Variants in GK5 observed in about 807,000 individuals in gnomAD.
GK5 encodes glycerol kinase 5, also known as ATP:glycerol 3-phosphotransferase 5.
GK5 carries 39 observed loss-of-function variants against 77.3 expected under a neutral mutation model. The observed-to-expected ratio is 0.50, with a 90% CI of 0.39 to 0.66. The LOEUF (loss-of-function observed/expected upper bound fraction) is 0.66, where lower values mean the gene tolerates loss of function less well. Ranked by LOEUF, GK5 falls within the 30% of genes least tolerant of loss-of-function variation. The pLI is 0.00. For synonymous variants in GK5, 211 were observed against 208.0 expected (o/e 1.01, Z -0.13); for missense variants, 487 against 633.8 (o/e 0.77, Z 2.49).
chr3:142,165,699 A>G lies in GK5; in HGVS notation c.1513T>C (p.Cys505Arg), dbSNP rs1300002439. The G allele has an allele frequency of 6.2e-7, 1 of 1,613,166 alleles. No individual in the cohort carries two copies. The highest frequency in any genetic ancestry group is 1.7e-5 in the Admixed American group (1 of 59,944). The change falls in exon 16 of 16, where the codon TGT becomes CGT. Residue 505 changes from cysteine (C) to arginine (R), a missense_variant. Transcript: ENST00000392993. ...SEVVFKPQKK[C>R]QEYEMSLENW... ...TCCAGACTCATTTCATATTCTTGAC[A>G]TTTCTTCTGTGGCTTGAAAACCACT...
chr3:142,165,856 AG>A (rs1221271409), intron 15 of GK5, 86 bp from the exon 16 acceptor site: 2 of 815,732 alleles, frequency 2.5e-6, no homozygotes, highest in East Asian at 5.7e-5. Context: ...AGTTGCTGGT[AG>A]AAAGGTAAAC....
intron 4 of GK5, among the ~76,000 whole-genome samples, chr3:142,202,064 A>G (rs2064034132): frequency 6.6e-6 from 1 of 152,140 alleles, no homozygotes; most frequent in Non-Finnish European, 1.5e-5. Context: ...CAATGGCCTT[A>G]AGGTAAGAAA....
intron 5 of GK5, among the ~76,000 whole-genome samples, chr3:142,189,627 G>A (rs529370895): frequency 6.6e-6 from 1 of 152,252 alleles, no homozygotes; most frequent in Admixed American, 6.5e-5. Flanking sequence ...GCCCTTAGGA[G>A]GCTAGGGTGA....
intron 3 of GK5, among the ~76,000 whole-genome samples, chr3:142,209,233 A>G (rs899829407): frequency 1.1e-4 from 16 of 152,198 alleles, no homozygotes; most frequent in Non-Finnish European, 1.9e-4. Flanking sequence ...GGCTTCAGAA[A>G]TGGCAATGGA....
intron 5 of GK5, among the ~76,000 whole-genome samples, chr3:142,195,834 G>A (rs1025881855): frequency 6.6e-6 from 1 of 152,138 alleles, no homozygotes; most frequent in Non-Finnish European, 1.5e-5. Flanking sequence ...GGGTATTAAA[G>A]TCTCCAACTA....
chr3:142,159,508 C>G lies in GK5; in HGVS notation c.*6114G>C, dbSNP rs1307866560. On this transcript the variant is annotated 3_prime_UTR_variant, in exon 16 of 16. Coordinates refer to ENST00000392993, the MANE Select transcript of GK5 (RefSeq NM_001039547.3). ...CAAGCACCTGTTTCTGTCCTTCCCA[C>G]TCCAAGATCATTCCTGCATTCCTCT... 2.6e-5 allele frequency: 4 copies of G among 152,074 alleles called. No individual in the cohort carries two copies. The highest frequency in any genetic ancestry group is 5.9e-5 in the Non-Finnish European group (4 of 68,024). 9.4% of individuals were successfully genotyped at this position (152,074 alleles called of 1,614,324 possible). A position where few individuals can be genotyped will look rare whatever the true frequency, so the allele number is the denominator to read the frequency against.
chr3:142,185,705 T>G, intron 9 of GK5: 1 of 1,462,774 alleles, frequency 6.8e-7, no homozygotes, highest in Non-Finnish European at 9.0e-7. Context: ...CAGAAAAGGT[T>G]ATAAAGTACT....
intron 5 of GK5, among the ~76,000 whole-genome samples, chr3:142,196,925 C>T (rs539928263): frequency 7.2e-5 from 11 of 152,146 alleles, no homozygotes; most frequent in Admixed American, 1.3e-4. Context: ...CGGTGGCTCT[C>T]GCCTGTAATC....
At chr3:142,169,196 A>G (rs1281073054) in intron 15 of GK5, among the ~76,000 whole-genome samples, 3 of 152,198 alleles carry the variant, frequency 2.0e-5, no homozygotes, top group Non-Finnish European at 4.4e-5. Context: ...AGTGGTTTCT[A>G]ATGCCATAGG....
intron 13 of GK5, among the ~76,000 whole-genome samples, 187 bp downstream of exon 13, chr3:142,172,161 AAATAT>A (rs1471523582): frequency 1.3e-5 from 2 of 152,168 alleles, no homozygotes; most frequent in Non-Finnish European, 2.9e-5. Flanking sequence ...TTGGTACATT[AAATAT>A]AAGAAAAAAT....
rs936855491 is a variant in GK5, at chr3:142,158,445, A to T, written c.*7177T>A. On this transcript the variant is annotated 3_prime_UTR_variant, in exon 16 of 16. Coordinates refer to ENST00000392993, the MANE Select transcript of GK5 (RefSeq NM_001039547.3). ...AGTATTTAATAAGAATGTCCTGGTA[A>T]TTTTTTTTAAATCTAAAAGTAGACA... 1.3e-5 allele frequency: 2 copies of T among 152,422 alleles called. No individual in the cohort carries two copies. The allele number at this position is 152,422 out of a possible 1,614,324, so 9.4% of individuals were successfully genotyped here. A position where few individuals can be genotyped will look rare whatever the true frequency, so the allele number is the denominator to read the frequency against.
intron 9 of GK5, among the ~76,000 whole-genome samples, chr3:142,184,077 T>C (rs1246974093): frequency 2.0e-5 from 3 of 150,756 alleles, no homozygotes; most frequent in Non-Finnish European, 4.4e-5. Flanking sequence ...GCTAACACGG[T>C]GAAACCCCAT....
chr3:142,216,996 C>G (rs2107798849), intron 1 of GK5, among the ~76,000 whole-genome samples: 1 of 152,284 alleles, frequency 6.6e-6, no homozygotes, highest in South Asian at 2.1e-4. Context: ...ATAAAAACCC[C>G]AGGGTCTTTT....
chr3:142,171,435 G>A lies in GK5; in HGVS notation c.1291C>T (p.Pro431Ser). 6.8e-7 allele frequency: 1 copy of A among 1,474,688 alleles called. No individual in the cohort carries two copies. The highest frequency in any genetic ancestry group is 9.1e-7 in the Non-Finnish European group (1 of 1,094,098). The allele number at this position is 1,474,688 out of a possible 1,614,324, so 91.4% of individuals were successfully genotyped here. A position where few individuals can be genotyped will look rare whatever the true frequency, so the allele number is the denominator to read the frequency against. Residue 431 changes from proline (P) to serine (S), a missense_variant, in exon 14 of 16, where the codon CCT (proline) becomes TCT (serine). Physicochemically the swap from Pro to Ser is moderately conservative, Grantham distance 74. Transcript: ENST00000392993. ...YEMMKKEIHIPVRKIRADGGV... is the reference protein window; with the variant it reads ...YEMMKKEIHISVRKIRADGGV... The stretch of plus-strand genomic sequence containing the variant: ...TTTACATACCGGATTTTTCTTACAG[G>A]AATATGAATCTCTTTCTTCATCATC...
At chr3:142,202,097 A>G (rs2064034380) in intron 4 of GK5, among the ~76,000 whole-genome samples, 1 of 152,184 alleles carries the variant, frequency 6.6e-6, no homozygotes, top group Non-Finnish European at 1.5e-5. Flanking sequence ...TACAAGAACA[A>G]AAACAGGCTG....
chr3:142,158,656 G>C lies in GK5; in HGVS notation c.*6966C>G, dbSNP rs886927699. 1 of 152,526 alleles carries C rather than the reference G, an allele frequency of 6.6e-6. No individual in the cohort carries two copies. Among genetic ancestry groups the C allele is most frequent in the Non-Finnish European group, 1.5e-5 (1 of 68,024 alleles). The allele number at this position is 152,526 out of a possible 1,614,324, so 9.4% of individuals were successfully genotyped here. ...GCTCACATCAGAGAAATAAGATTAT[G>C]AATTTACTGAGGCATACAAATTGGA... is the stretch of plus-strand genomic sequence containing the variant. On this transcript the variant is annotated 3_prime_UTR_variant, in exon 16 of 16. Coordinates refer to ENST00000392993, the MANE Select transcript of GK5 (RefSeq NM_001039547.3).
rs1015790564 is a variant in GK5, at chr3:142,159,937, T to A, written c.*5685A>T. The A allele has an allele frequency of 1.3e-5, 2 of 150,952 alleles. No homozygotes were observed. Among genetic ancestry groups the A allele is most frequent in the African/African-American group, 4.9e-5 (2 of 41,028 alleles). The allele number at this position is 150,952 out of a possible 1,614,324, so 9.4% of individuals were successfully genotyped here. A position where few individuals can be genotyped will look rare whatever the true frequency, so the allele number is the denominator to read the frequency against. On this transcript the variant is annotated 3_prime_UTR_variant, in exon 16 of 16. Transcript: ENST00000392993. Reference sequence around the variant, plus strand: ...ATCTCGGCTCACTGCAACCTCCACGTCCCGGGTTCAAGCAATTCTCCTGTC... The same window carrying A: ...ATCTCGGCTCACTGCAACCTCCACGACCCGGGTTCAAGCAATTCTCCTGTC...
At chr3:142,208,322 T>C (rs1560233174) in intron 3 of GK5, among the ~76,000 whole-genome samples, 1 of 152,232 alleles carries the variant, frequency 6.6e-6, no homozygotes, top group Non-Finnish European at 1.5e-5. Flanking sequence ...TTTTTTATTT[T>C]GTTAACTGCT....
intron 12 of GK5, chr3:142,173,199 T>TAAAAAA: frequency 7.8e-6 from 3 of 382,858 alleles, no homozygotes; most frequent in South Asian, 1.9e-5. Flanking sequence ...AGACAGGGTC[T>TAAAAAA]AAAAAAAAAA....
Sources: allele counts gnomAD v4.1 joint callset (sites outside exome capture counted in the v4.1 genomes callset), GRCh38; gene constraint gnomAD v4.1.1; transcripts MANE v1.5; gene names NCBI Gene and HGNC (gene_info 2026-07-23, HGNC 2026-07-21).